The following FXR1 variants were observed in gnomAD, a reference collection of about 807,000 sequenced individuals.
FXR1 encodes the protein RNA-binding protein FXR1.
Under a neutral mutation model 84.0 loss-of-function variants are expected in FXR1, and 15 were observed. The observed-to-expected ratio is 0.18, with a 90% confidence interval of 0.12 to 0.27. FXR1 has a LOEUF of 0.27. Ranked by LOEUF, FXR1 falls within the 10% of genes least tolerant of loss-of-function variation. The probability of loss-of-function intolerance (pLI) is 1.00; values close to 1 mark genes in which losing one functional copy is unlikely to be tolerated. For missense variants in FXR1, 480 were observed against 774.4 expected (o/e 0.62, Z 4.51); for synonymous variants, 245 against 250.7 (o/e 0.98, Z 0.21).
intron 1 of FXR1, among the ~76,000 whole-genome samples, chr3:180,929,506 G>A (rs372756183): frequency 3.9e-5 from 6 of 152,300 alleles, no homozygotes; most frequent in South Asian, 2.1e-4. Context: ...AAAAAGACAT[G>A]TCAAAGGCTT....
At chr3:180,921,793 C>T (rs1203133427) in intron 1 of FXR1, among the ~76,000 whole-genome samples, 2 of 151,508 alleles carry the variant, frequency 1.3e-5, no homozygotes, top group East Asian at 1.9e-4. Flanking sequence ...TAATTTTACA[C>T]ACACGTAAGT....
intron 1 of FXR1, among the ~76,000 whole-genome samples, chr3:180,917,992 C>A (rs966122740): frequency 4.2e-5 from 6 of 141,220 alleles, no homozygotes; most frequent in South Asian, 2.3e-4. Context: ...GCATATATTT[C>A]TTGTAAAGTT....
intron 3 of FXR1, 146 bp from the exon 4 acceptor site, chr3:180,947,719 T>G (rs376421237): frequency 4.5e-6 from 2 of 441,122 alleles, no homozygotes; most frequent in African/African-American, 2.0e-5. Flanking sequence ...CATATCACTT[T>G]CTTTAAATTG....
At chr3:180,957,796 G>GT in intron 9 of FXR1, 23 bp from the exon 10 acceptor site, 1 of 1,062,450 alleles carries the variant, frequency 9.4e-7, no homozygotes, top group Non-Finnish European at 1.4e-6. Context: ...GCTTACCATT[G>GT]TATTTGTTTT....
chr3:180,964,233 A>G (rs941026644), intron 13 of FXR1, among the ~76,000 whole-genome samples: 1 of 152,182 alleles, frequency 6.6e-6, no homozygotes, highest in East Asian at 1.9e-4. Context: ...CTATTATTAT[A>G]TTTCTGAAAA....
In FXR1 at chr3:180,961,698, A is replaced by G. The variant is rs1045092536; in HGVS notation, c.1077+144A>G. On this transcript the variant is annotated intron_variant, in intron 11 of 16. Transcript: ENST00000357559. ...TTCAAATCTTTAAATATTTTTTGTT[A>G]ATTCAGCTTCAGATTTGCCATTGTT... The G allele has an allele frequency of 4.7e-5, 23 of 492,282 alleles. No homozygotes were observed. The Admixed American group carries it at 8.3e-4, about 18-fold the overall frequency. The allele number at this position is 492,282 out of a possible 1,614,324, so 30.5% of individuals were successfully genotyped here. A position where few individuals can be genotyped will look rare whatever the true frequency, so the allele number is the denominator to read the frequency against.
chr3:180,912,858 C>T lies in FXR1; in HGVS notation c.51+122C>T, dbSNP rs568922908. 1.9e-5 allele frequency: 29 copies of T among 1,560,460 alleles called. 1 individual carries two copies. The South Asian group carries it at 3.0e-4, about 16-fold the overall frequency. On this transcript the variant is annotated intron_variant, in intron 1 of 16. Coordinates refer to ENST00000357559, the MANE Select transcript of FXR1 (RefSeq NM_005087.4). ...AGGCAGCCAGGCCAAAGCTCGAGGCCGCTGGATTCCTTGCTTCTCCCCCCT... is the reference window on the plus strand; with the variant it reads ...AGGCAGCCAGGCCAAAGCTCGAGGCTGCTGGATTCCTTGCTTCTCCCCCCT...
At chr3:180,970,418 A>ATG (rs1363626795) in intron 15 of FXR1, 60 bp downstream of exon 15, 1 of 274,662 alleles carries the variant, frequency 3.6e-6, no homozygotes, top group African/African-American at 2.4e-5. Context: ...ATATATATAT[A>ATG]TATAATTGTA....
At chr3:180,934,203 C>T (rs1249915858) in intron 2 of FXR1, among the ~76,000 whole-genome samples, 1 of 152,164 alleles carries the variant, frequency 6.6e-6, no homozygotes, top group Non-Finnish European at 1.5e-5. Flanking sequence ...AGATCTTTGC[C>T]TAACAGCTGC....
chr3:180,951,935 C>T (rs1722267115), intron 8 of FXR1, among the ~76,000 whole-genome samples: 2 of 152,150 alleles, frequency 1.3e-5, no homozygotes, highest in South Asian at 4.1e-4. Flanking sequence ...GGTGCAGTGG[C>T]ACACACCTGC....
intron 1 of FXR1, among the ~76,000 whole-genome samples, chr3:180,928,587 T>C (rs1458235385): frequency 1.3e-5 from 2 of 151,504 alleles, no homozygotes; most frequent in Non-Finnish European, 2.9e-5. Context: ...GTATTTATAT[T>C]TATTAGAGCT....
chr3:180,962,377 CT>C (rs1490821177), intron 11 of FXR1, among the ~76,000 whole-genome samples: 1 of 152,180 alleles, frequency 6.6e-6, no homozygotes, highest in Non-Finnish European at 1.5e-5. Context: ...CAAGAGCTTT[CT>C]CTAGACATCT....
intron 7 of FXR1, among the ~76,000 whole-genome samples, chr3:180,949,806 A>G (rs1339126575): frequency 3.9e-5 from 6 of 152,198 alleles, no homozygotes; most frequent in Admixed American, 6.5e-5. Flanking sequence ...CCTTTTATCA[A>G]ACATAGCCTT....
At chr3:180,934,990 T>TA (rs1720355459) in intron 2 of FXR1, 148 bp from the exon 3 acceptor site, 1 of 537,248 alleles carries the variant, frequency 1.9e-6, no homozygotes, top group African/African-American at 1.9e-5. Flanking sequence ...CTTCAGTAAC[T>TA]AATTTCTTGG....
Position 180,931,026 on chromosome 3 carries a change from C to CAAAAAA in FXR1, c.52-2292_52-2287dup, listed in dbSNP as rs57731098. On this transcript the variant is annotated intron_variant, in intron 1 of 16. Coordinates refer to ENST00000357559, the MANE Select transcript of FXR1 (RefSeq NM_005087.4). ...CCTGGGCAACAGAGCGAGACTGCCT[C>CAAAAAA]AAAAAAAAAAAAAAAAAAAAAGACG... Among the ~76,000 whole-genome samples the CAAAAAA allele has an allele frequency of 3.4e-3, 188 of 55,562 alleles. 7 individuals are homozygous for CAAAAAA. The highest frequency in any genetic ancestry group is 7.3e-3 in the South Asian group (6 of 824). 36.5% of individuals were successfully genotyped at this position (55,562 alleles called of 152,430 possible). A position where few individuals can be genotyped will look rare whatever the true frequency, so the allele number is the denominator to read the frequency against.
intron 9 of FXR1, among the ~76,000 whole-genome samples, chr3:180,954,872 ATT>A (rs11328945): frequency 3.1e-3 from 351 of 114,526 alleles, no homozygotes; most frequent in South Asian, 0.014. Flanking sequence ...TTCTAAAAAG[ATT>A]TTTTTTTTTT....
chr3:180,927,450 T>A (rs566308933), intron 1 of FXR1, among the ~76,000 whole-genome samples: 1 of 152,228 alleles, frequency 6.6e-6, no homozygotes, highest in South Asian at 2.1e-4. Context: ...TTCAGATTTT[T>A]TGCTATATTT....
chr3:180,943,000 C>A (rs2108457471), intron 3 of FXR1, among the ~76,000 whole-genome samples: 1 of 152,190 alleles, frequency 6.6e-6, no homozygotes, highest in Middle Eastern at 3.4e-3. Flanking sequence ...TGGAGTCTTG[C>A]TTGTCGACCA....
intron 15 of FXR1, among the ~76,000 whole-genome samples, chr3:180,974,892 A>C (rs1042277493): frequency 2.3e-4 from 35 of 152,148 alleles, no homozygotes; most frequent in Non-Finnish European, 2.5e-4. Flanking sequence ...AAATTTTCAA[A>C]TTTAAGTATA....
Sources: allele counts gnomAD v4.1 joint callset (sites outside exome capture counted in the v4.1 genomes callset), GRCh38; gene constraint gnomAD v4.1.1; transcripts MANE v1.5; gene names NCBI Gene and HGNC (gene_info 2026-07-23, HGNC 2026-07-21).